GPAM: variants seen among roughly 807,000 people sequenced by gnomAD.
GPAM encodes glycerol-3-phosphate acyltransferase, mitochondrial.
Under a neutral mutation model 105.0 loss-of-function variants are expected in GPAM, and 56 were observed. The observed-to-expected ratio is 0.53, with a 90% confidence interval of 0.43 to 0.67. GPAM has a LOEUF of 0.67. Ranked by LOEUF, GPAM falls within the 30% of genes least tolerant of loss-of-function variation. The pLI is 0.00. For synonymous variants in GPAM, 368 were observed against 354.4 expected (o/e 1.04, Z -0.43); for missense variants, 855 against 989.8 (o/e 0.86, Z 1.83).
At chr10:112,208,644 G>C (rs551503747) in intron 1 of GPAM, among the ~76,000 whole-genome samples, 1 of 152,108 alleles carries the variant, frequency 6.6e-6, no homozygotes, top group Non-Finnish European at 1.5e-5. Context: ...TGTTAGCCTC[G>C]GTGACAAGCA....
chr10:112,226,747 T>C, the GPAM span, among the ~76,000 whole-genome samples: 1 of 152,198 alleles, frequency 6.6e-6, no homozygotes, highest in Non-Finnish European at 1.5e-5. Context: ...CTTTGAAGCA[T>C]ATGGAACGTG....
chr10:112,181,220 C>G (rs191177798), intron 3 of GPAM, among the ~76,000 whole-genome samples: 1 of 149,992 alleles, frequency 6.7e-6, no homozygotes, highest in Admixed American at 6.6e-5. Flanking sequence ...TATATAAAGA[C>G]AATTAAGATA....
Position 112,158,311 on chromosome 10 carries a change from CT to C in GPAM, c.1980+4del. 1 of 1,505,818 alleles carries C rather than the reference CT, an allele frequency of 6.6e-7. No individual in the cohort carries two copies. The highest frequency in any genetic ancestry group is 9.3e-7 in the Non-Finnish European group (1 of 1,080,860). 93.3% of individuals were successfully genotyped at this position (1,505,818 alleles called of 1,614,324 possible). A position where few individuals can be genotyped will look rare whatever the true frequency, so the allele number is the denominator to read the frequency against. On this transcript the variant is annotated splice_donor_region_variant and intron_variant, in intron 18 of 21. Transcript: ENST00000348367. Reference sequence around the variant, plus strand: ...AGACAAATAAAGGAAAGCTCTACCTCTTACCTCTGCCACTGTAAGAATGCCA... The same window carrying C: ...AGACAAATAAAGGAAAGCTCTACCTCTACCTCTGCCACTGTAAGAATGCCA...
intron 1 of GPAM, among the ~76,000 whole-genome samples, chr10:112,183,350 A>C (rs1349548331): frequency 6.6e-6 from 1 of 152,242 alleles, no homozygotes; most frequent in Non-Finnish European, 1.5e-5. Context: ...GGCTGCTCTC[A>C]GAGTACCCCT....
chr10:112,225,893 T>A, the GPAM span, among the ~76,000 whole-genome samples: 1 of 152,196 alleles, frequency 6.6e-6, no homozygotes, highest in African/African-American at 2.4e-5. Flanking sequence ...AATAAATATT[T>A]ATTAAATCGA....
At chr10:112,174,527 A>G (rs967310082) in intron 6 of GPAM, among the ~76,000 whole-genome samples, 3 of 152,244 alleles carry the variant, frequency 2.0e-5, no homozygotes, top group African/African-American at 7.2e-5. Flanking sequence ...CCCAGTTACT[A>G]GTCAAAACAT....
intron 1 of GPAM, among the ~76,000 whole-genome samples, chr10:112,195,377 C>T (rs1285755953): frequency 2.0e-5 from 3 of 152,198 alleles, no homozygotes; most frequent in Non-Finnish European, 4.4e-5. Context: ...TCCACGTACT[C>T]TTTCGCTCTC....
intron 1 of GPAM, among the ~76,000 whole-genome samples, chr10:112,209,303 C>T (rs1354267609): frequency 2.0e-5 from 3 of 151,678 alleles, no homozygotes; most frequent in Non-Finnish European, 4.4e-5. Flanking sequence ...TGCTGCTTCA[C>T]GGATCCATGC....
At chr10:112,201,198 G>T (rs1258591301) in intron 1 of GPAM, among the ~76,000 whole-genome samples, 10 of 152,160 alleles carry the variant, frequency 6.6e-5, no homozygotes, top group Admixed American at 6.5e-4. Flanking sequence ...AGGGTGTGAT[G>T]GGCTTGCCAC....
chr10:112,163,046 C>G (rs1054424010), intron 14 of GPAM, among the ~76,000 whole-genome samples: 1 of 152,134 alleles, frequency 6.6e-6, no homozygotes, highest in Non-Finnish European at 1.5e-5. Context: ...AGAAAGAAAT[C>G]ACAACTAGGC....
upstream of GPAM, among the ~76,000 whole-genome samples, chr10:112,184,076 A>G (rs1434015897): frequency 3.3e-5 from 5 of 152,080 alleles, no homozygotes; most frequent in African/African-American, 1.2e-4. Flanking sequence ...CTATCAGGTT[A>G]TGTGTGTGGT....
the GPAM span, among the ~76,000 whole-genome samples, chr10:112,220,583 G>C: frequency 2.6e-5 from 4 of 152,148 alleles, no homozygotes; most frequent in African/African-American, 9.7e-5. Flanking sequence ...GTAAAAGCCT[G>C]TCCTTGAATA....
the GPAM span, among the ~76,000 whole-genome samples, chr10:112,222,467 AC>A: frequency 6.6e-6 from 1 of 152,146 alleles, no homozygotes; most frequent in Admixed American, 6.5e-5. Flanking sequence ...TATTTGCTAT[AC>A]CTGGCATAGA....
At chr10:112,156,578 A>C in intron 19 of GPAM, 1 of 183,122 alleles carries the variant, frequency 5.5e-6, no homozygotes. Context: ...AGAGGCTCTC[A>C]CTGTACCTAC....
intron 14 of GPAM, among the ~76,000 whole-genome samples, chr10:112,162,552 A>G (rs946867935): frequency 6.6e-6 from 1 of 152,170 alleles, no homozygotes; most frequent in Non-Finnish European, 1.5e-5. Context: ...TCACGATAAC[A>G]TTTGTGAGTT....
At chr10:112,208,612 C>G (rs1589611643) in intron 1 of GPAM, among the ~76,000 whole-genome samples, 1 of 152,144 alleles carries the variant, frequency 6.6e-6, no homozygotes, top group East Asian at 1.9e-4. Flanking sequence ...CCCAAGGGCT[C>G]CTGCATGGGT....
At chr10:112,192,077 G>A (rs556044973) in intron 1 of GPAM, among the ~76,000 whole-genome samples, 5 of 152,268 alleles carry the variant, frequency 3.3e-5, no homozygotes, top group African/African-American at 9.6e-5. Flanking sequence ...CTTGGCTTCC[G>A]CACAACACAA....
Position 112,156,965 on chromosome 10 carries a change from G to A in GPAM, c.2121+284C>T, listed in dbSNP as rs1444078831. 5 of 582,198 alleles carry A rather than the reference G, an allele frequency of 8.6e-6. No homozygotes were observed. In the African/African-American group the frequency reaches 9.4e-5, roughly 11 times the overall value. The allele number at this position is 582,198 out of a possible 1,614,324, so 36.1% of individuals were successfully genotyped here. A position where few individuals can be genotyped will look rare whatever the true frequency, so the allele number is the denominator to read the frequency against. ...AAACTGCTGCCTCATGAGGGGTGCAGGTGTAGGTAAACAGGTATGCACCTG... is the reference window on the plus strand; with the variant it reads ...AAACTGCTGCCTCATGAGGGGTGCAAGTGTAGGTAAACAGGTATGCACCTG... On this transcript the variant is annotated intron_variant, in intron 19 of 21. Coordinates refer to ENST00000348367, the MANE Select transcript of GPAM (RefSeq NM_001244949.2).
At chr10:112,215,759 C>A (rs1847960975), upstream of GPAM, among the ~76,000 whole-genome samples, 1 of 152,070 alleles carries the variant, frequency 6.6e-6, no homozygotes. Context: ...CTGAGCGGGG[C>A]TGGGGTCCCC....
Sources: allele counts gnomAD v4.1 joint callset (sites outside exome capture counted in the v4.1 genomes callset), GRCh38; gene constraint gnomAD v4.1.1; transcripts MANE v1.5; gene names NCBI Gene and HGNC (gene_info 2026-07-23, HGNC 2026-07-21).